Variants in THAP4 observed in about 807,000 individuals in gnomAD.
The protein encoded by THAP4 is peroxynitrite isomerase THAP4.
A neutral mutation model predicts 48.1 loss-of-function variants in THAP4; 18 were observed. The observed-to-expected ratio is 0.37, with a 90% CI of 0.26 to 0.56. The LOEUF is 0.56. Ranked by LOEUF, THAP4 falls within the 20% of genes least tolerant of loss-of-function variation. The pLI is 0.78. For missense variants in THAP4, 656 were observed against 774.9 expected, an observed-to-expected ratio of 0.85 and a Z score of 1.82; for synonymous variants, 345 against 324.9, an observed-to-expected ratio of 1.06 and a Z score of -0.66.
At chr2:241,603,143 G>T (rs182877327) in intron 3 of THAP4, 64 bp from the exon 4 acceptor site, 2 of 1,367,058 alleles carry the variant, frequency 1.5e-6, no homozygotes, top group Non-Finnish European at 1.0e-6. Flanking sequence ...GGGCTGCGTG[G>T]ATGCCAGAAC....
intron 2 of THAP4, among the ~76,000 whole-genome samples, chr2:241,618,097 C>T (rs2067370452): frequency 6.6e-6 from 1 of 152,182 alleles, no homozygotes; most frequent in African/African-American, 2.4e-5. Flanking sequence ...GTGCGCGGCC[C>T]GCACCAGCTG....
At chr2:241,604,686 A>T (rs376932876) in intron 3 of THAP4, among the ~76,000 whole-genome samples, 4 of 152,288 alleles carry the variant, frequency 2.6e-5, no homozygotes, top group Admixed American at 6.5e-5. Flanking sequence ...CTGGGATTAC[A>T]GGCGTCAGCC....
At chr2:241,593,268 A>C (rs974409593) in intron 5 of THAP4, among the ~76,000 whole-genome samples, 105 of 152,088 alleles carry the variant, frequency 6.9e-4, no homozygotes, top group African/African-American at 2.3e-3. Flanking sequence ...ATAAAATAAA[A>C]AGTAAAAAAT....
chr2:241,606,590 G>C, intron 2 of THAP4, 117 bp from the exon 3 acceptor site: 1 of 1,024,768 alleles, frequency 9.8e-7, no homozygotes, highest in Non-Finnish European at 1.4e-6. Context: ...GCTAATCCTG[G>C]GGGACCTGTC....
chr2:241,600,055 G>A (rs2067093503), intron 5 of THAP4, among the ~76,000 whole-genome samples: 1 of 152,154 alleles, frequency 6.6e-6, no homozygotes, highest in South Asian at 2.1e-4. Flanking sequence ...AATTAGCTGG[G>A]CATGGTGGCA....
chr2:241,619,878 G>C (rs1369720066), intron 2 of THAP4, among the ~76,000 whole-genome samples: 2 of 87,994 alleles, frequency 2.3e-5, no homozygotes, highest in Non-Finnish European at 4.8e-5. Context: ...GGTGAGTGAG[G>C]GGTGAGTGAG....
chr2:241,635,291 A>G (rs1380236804), intron 1 of THAP4, among the ~76,000 whole-genome samples: 2 of 152,180 alleles, frequency 1.3e-5, no homozygotes, highest in Non-Finnish European at 1.5e-5. Context: ...TCTCCAAAAA[A>G]AGTTAGGATG....
intron 4 of THAP4, chr2:241,602,236 A>C (rs969886238): frequency 2.2e-5 from 12 of 556,542 alleles, no homozygotes; most frequent in Non-Finnish European, 3.5e-5. Flanking sequence ...ACTGGGCCCC[A>C]GCCCTCCCAC....
intron 5 of THAP4, 139 bp from the exon 6 acceptor site, chr2:241,584,864 C>G (rs1447402368): frequency 9.5e-7 from 1 of 1,050,500 alleles, no homozygotes; most frequent in South Asian, 1.4e-5. Flanking sequence ...GGTAGACACA[C>G]AGCCCAGGGC....
chr2:241,603,390 A>G lies in THAP4; in HGVS notation c.1401-311T>C, dbSNP rs1241811803. Among the ~76,000 whole-genome samples the G allele has an allele frequency of 2.1e-4, 27 of 128,496 alleles. 2 individuals are homozygous for G. Among genetic ancestry groups the G allele is most frequent in the East Asian group, 6.7e-4 (3 of 4,464 alleles). The allele number at this position is 128,496 out of a possible 152,430, so 84.3% of individuals were successfully genotyped here. ...CCTGAAGACGGGCTGTTCCAGCCACACCCGCACACCTGCCCGCCCCCTCCA... is the reference window on the plus strand; with the variant it reads ...CCTGAAGACGGGCTGTTCCAGCCACGCCCGCACACCTGCCCGCCCCCTCCA... On this transcript the variant is annotated intron_variant, in intron 3 of 5. Coordinates refer to ENST00000407315, the MANE Select transcript of THAP4 (RefSeq NM_015963.6).
At chr2:241,614,829 C>A (rs1033917281) in intron 2 of THAP4, among the ~76,000 whole-genome samples, 10 of 152,094 alleles carry the variant, frequency 6.6e-5, no homozygotes, top group Non-Finnish European at 1.2e-4. Context: ...GCAGAGGTTG[C>A]GGTGAGCCGA....
At chr2:241,605,330 G>A (rs540635777) in intron 3 of THAP4, among the ~76,000 whole-genome samples, 2 of 152,318 alleles carry the variant, frequency 1.3e-5, no homozygotes, top group African/African-American at 4.8e-5. Flanking sequence ...ATAGTACCAA[G>A]TTGGTTTAAT....
intron 5 of THAP4, among the ~76,000 whole-genome samples, chr2:241,587,292 A>G (rs1195390126): frequency 6.6e-6 from 1 of 152,180 alleles, no homozygotes; most frequent in Admixed American, 6.5e-5. Flanking sequence ...TGTTTGCTGG[A>G]GCTGGGATAC....
rs147811786 is a variant in THAP4, at chr2:241,587,665, C to T, written c.1615-2940G>A. ...GGCCTTATAGAATTGAATGAAAAAT[C>T]CTGAGCAATAGAATCTATTTAAAAA... is the stretch of plus-strand genomic sequence containing the variant. On this transcript the variant is annotated intron_variant, in intron 5 of 5. Transcript: ENST00000407315. 8.9e-3 allele frequency among the ~76,000 whole-genome samples: 1,360 copies of T among 152,088 alleles called. 14 individuals are homozygous for T. Among genetic ancestry groups the T allele is most frequent in the Middle Eastern group, 0.017 (5 of 294 alleles).
intron 5 of THAP4, among the ~76,000 whole-genome samples, chr2:241,590,760 G>A (rs985392292): frequency 4.0e-5 from 6 of 151,208 alleles, no homozygotes; most frequent in Admixed American, 6.6e-5. Context: ...AGAACTGCCC[G>A]GCTGATGATG....
chr2:241,632,644 G>T (rs576922187), intron 2 of THAP4, among the ~76,000 whole-genome samples: 2 of 152,304 alleles, frequency 1.3e-5, no homozygotes, highest in South Asian at 4.1e-4. Flanking sequence ...CCACGGAGGC[G>T]TTCAGGCACT....
chr2:241,633,922 T>C lies in THAP4; in HGVS notation c.235A>G (p.Thr79Ala), dbSNP rs779548359. ...LEDQHRLLKP[T>A]AVPSIFHLTE... is the part of the protein sequence containing the mutation. ...AGGTGGAAGATGGATGGCACGGCCG[T>C]GGGCTTCAGCAGGCGATGCTGGTCC... Residue 79 changes from threonine (T) to alanine (A), a missense_variant, in exon 2 of 6, where the codon ACG becomes GCG. By Grantham distance (58) the Thr-to-Ala change is moderately conservative. Coordinates refer to ENST00000407315, the MANE Select transcript of THAP4 (RefSeq NM_015963.6). The surrounding 1 kb of genome is among the most constrained non-coding windows in gnomAD (Gnocchi z 7.5). The C allele has an allele frequency of 1.2e-6, 2 of 1,614,096 alleles. No individual in the cohort carries two copies. Among genetic ancestry groups the C allele is most frequent in the Non-Finnish European group, 1.7e-6 (2 of 1,180,012 alleles).
chr2:241,633,165 A>G lies in THAP4; in HGVS notation c.992T>C (p.Val331Ala). ...SDASPMSINE[V>A]ILSASGACKL... The stretch of plus-strand genomic sequence containing the variant: ...GCAGGCCCCTGACGCCGACAGGATG[A>G]CCTCGTTGATGGACATGGGGCTGGC... Residue 331 changes from valine to alanine, a missense_variant, in exon 2 of 6, where the codon GTC becomes GCC. This residue lies in a region of THAP4 where 391 missense variants were observed against 412.4 expected (regional missense o/e 0.95). Transcript: ENST00000407315. The surrounding 1 kb of genome is among the most constrained non-coding windows in gnomAD (Gnocchi z 7.5). The G allele has an allele frequency of 6.2e-7, 1 of 1,609,056 alleles. No individual in the cohort carries two copies. The highest frequency in any genetic ancestry group is 8.5e-7 in the Non-Finnish European group (1 of 1,176,966).
At position 241,610,897 on chromosome 2, in the gene THAP4, GAC is replaced by G. The variant is rs1483218592; in HGVS notation, c.1241-4426_1241-4425del. On this transcript the variant is annotated intron_variant, in intron 2 of 5. Transcript: ENST00000407315. This position sits in a 1 kb window ranked among gnomAD's most constrained non-coding sequence, Gnocchi z 4.2. ...GGCCAGAGACGGGGCCAGAGACAGAGACACAGAAAGGGATCTTACTCTTTCTT... is the reference window on the plus strand; with the variant it reads ...GGCCAGAGACGGGGCCAGAGACAGAGACAGAAAGGGATCTTACTCTTTCTT... 6.6e-6 allele frequency among the ~76,000 whole-genome samples: 1 copy of G among 152,078 alleles called. No homozygotes were observed. The highest frequency in any genetic ancestry group is 1.5e-5 in the Non-Finnish European group (1 of 68,008).
Sources: gnomAD v4.1 joint callset for allele counts (sites outside exome capture counted in the v4.1 genomes callset) on GRCh38, gnomAD v4.1.1 for gene constraint, gnomAD v4.1.1 regional missense constraint, Gnocchi (gnomAD v3.1) non-coding constraint, MANE v1.5 for transcripts, NCBI Gene and HGNC (gene_info 2026-07-23, HGNC 2026-07-21) for gene names.